BCAT1: variants seen among roughly 807,000 people sequenced by gnomAD.
The protein encoded by BCAT1 is branched-chain-amino-acid aminotransferase, cytosolic.
A neutral mutation model predicts 52.4 loss-of-function variants in BCAT1; 48 were observed. That is an observed-to-expected ratio of 0.92 (90% confidence interval 0.73 to 1.16). The LOEUF is 1.16. Among genes scored for constraint, BCAT1 ranks in the 50% most tolerant of loss-of-function variants. BCAT1 has a pLI of 0.00. For missense variants in BCAT1, 451 were observed against 457.1 expected, an observed-to-expected ratio of 0.99 and a Z score of 0.12; for synonymous variants, 167 against 161.3, an observed-to-expected ratio of 1.04 and a Z score of -0.27.
In BCAT1 at chr12:24,815,198, C is replaced by T. The variant is rs1025430633; in HGVS notation, c.*2810G>A. Reference sequence around the variant, plus strand: ...ATGTGTTTTCAAAAAAGCTGACAAGCTCGGTCTGAAATGTAGAAACTGAAA... The same window carrying T: ...ATGTGTTTTCAAAAAAGCTGACAAGTTCGGTCTGAAATGTAGAAACTGAAA... On this transcript the variant is annotated 3_prime_UTR_variant, in exon 11 of 11. Coordinates refer to ENST00000261192, the MANE Select transcript of BCAT1 (RefSeq NM_005504.7). 5 of 152,092 alleles carry T rather than the reference C, an allele frequency of 3.3e-5. No homozygotes were observed. Among genetic ancestry groups the T allele is most frequent in the African/African-American group, 1.2e-4 (5 of 41,432 alleles). The allele number at this position is 152,092 out of a possible 1,614,324, so 9.4% of individuals were successfully genotyped here. A position where few individuals can be genotyped will look rare whatever the true frequency, so the allele number is the denominator to read the frequency against.
At chr12:24,938,395 T>G (rs7299787) in intron 1 of BCAT1, among the ~76,000 whole-genome samples, 133,292 of 152,088 alleles carry the variant, frequency 0.88, 59,475 homozygotes, top group Middle Eastern at 0.95. Context: ...GTTGCAAAGG[T>G]TATTGGGGGC....
chr12:24,832,592 GA>G (rs888818996), intron 9 of BCAT1, 130 bp downstream of exon 9: 3 of 1,153,238 alleles, frequency 2.6e-6, no homozygotes, highest in Non-Finnish European at 3.6e-6. Context: ...TTAAAATAAA[GA>G]AAAACAACAA....
At chr12:24,902,366 C>A in intron 1 of BCAT1, 1 of 1,171,378 alleles carries the variant, frequency 8.5e-7, no homozygotes, top group Non-Finnish European at 1.1e-6. Flanking sequence ...CCAGCAGGGT[C>A]CTCCGATGCC....
At chr12:24,839,241 T>C (rs1370010047) in intron 7 of BCAT1, among the ~76,000 whole-genome samples, 3 of 152,164 alleles carry the variant, frequency 2.0e-5, no homozygotes, top group Non-Finnish European at 4.4e-5. Flanking sequence ...AAAGCCAGAC[T>C]GAGAATGGGA....
At chr12:24,846,030 T>TA (rs1260518268) in intron 6 of BCAT1, among the ~76,000 whole-genome samples, 20 of 152,334 alleles carry the variant, frequency 1.3e-4, no homozygotes, top group South Asian at 1.0e-3. Flanking sequence ...TAGACTGTAT[T>TA]AAAAAACACA....
rs1177493977 is a variant in BCAT1 at position 24,815,886 on chromosome 12, T to C, written c.*2122A>G. The C allele has an allele frequency of 2.0e-5, 3 of 152,226 alleles. No individual in the cohort carries two copies. Among genetic ancestry groups the C allele is most frequent in the African/African-American group, 4.8e-5 (2 of 41,456 alleles). The allele number at this position is 152,226 out of a possible 1,614,324, so 9.4% of individuals were successfully genotyped here. A position where few individuals can be genotyped will look rare whatever the true frequency, so the allele number is the denominator to read the frequency against. ...AAATAATTCTCATTTCTCATAGGAA[T>C]AGAAATTTAGTTACTATGTACCACT... On this transcript the variant is annotated 3_prime_UTR_variant, in exon 11 of 11. Transcript: ENST00000261192.
chr12:24,913,949 T>A (rs1482850115), intron 1 of BCAT1, among the ~76,000 whole-genome samples: 1 of 151,948 alleles, frequency 6.6e-6, no homozygotes, highest in Non-Finnish European at 1.5e-5. Flanking sequence ...GGAAAAGGGG[T>A]TTTGTTTCTA....
At chr12:24,895,889 G>A (rs753264785) in intron 2 of BCAT1, among the ~76,000 whole-genome samples, 2 of 152,186 alleles carry the variant, frequency 1.3e-5, no homozygotes, top group Non-Finnish European at 2.9e-5. Flanking sequence ...TCATATTACA[G>A]TGACACAAAA....
chr12:24,945,823 AAAAAAAGAAAAG>A (rs1460846822), intron 1 of BCAT1: 3 of 152,152 alleles, frequency 2.0e-5, no homozygotes, highest in Admixed American at 6.5e-5. Flanking sequence ...GATTCTGTCA[AAAAAAAGAAAAG>A]AAAAAAGAAT....
intron 5 of BCAT1, 144 bp from the exon 6 acceptor site, chr12:24,850,093 A>T: frequency 2.5e-6 from 2 of 784,600 alleles, no homozygotes; most frequent in Non-Finnish European, 3.7e-6. Flanking sequence ...GAGTTACACA[A>T]AGCCTAGTGG....
At chr12:24,883,712 T>C (rs1014129335) in intron 3 of BCAT1, among the ~76,000 whole-genome samples, 4 of 152,224 alleles carry the variant, frequency 2.6e-5, no homozygotes, top group African/African-American at 9.6e-5. Flanking sequence ...GGACCAGTTT[T>C]GTGGAAGATA....
chr12:24,912,334 G>GA, intron 1 of BCAT1, among the ~76,000 whole-genome samples: 1 of 152,226 alleles, frequency 6.6e-6, no homozygotes, highest in East Asian at 1.9e-4. Flanking sequence ...CTAACACGGT[G>GA]AAACCCCGTC....
chr12:24,817,438 G>A lies in BCAT1; in HGVS notation c.*570C>T, dbSNP rs1939919071. On this transcript the variant is annotated 3_prime_UTR_variant, in exon 11 of 11. Coordinates refer to ENST00000261192, the MANE Select transcript of BCAT1 (RefSeq NM_005504.7). The stretch of plus-strand genomic sequence containing the variant: ...CACTCAGGTCTTCCTAATGCACAGA[G>A]TATGCTCAGGCTGTGACATCAGGAA... 6.5e-6 allele frequency: 1 copy of A among 155,000 alleles called. No homozygotes were observed. Among genetic ancestry groups the A allele is most frequent in the African/African-American group, 2.4e-5 (1 of 41,454 alleles). 9.6% of individuals were successfully genotyped at this position (155,000 alleles called of 1,614,324 possible).
intron 1 of BCAT1, among the ~76,000 whole-genome samples, chr12:24,910,819 CTG>C (rs1943311650): frequency 6.6e-6 from 1 of 152,064 alleles, no homozygotes; most frequent in Non-Finnish European, 1.5e-5. Flanking sequence ...ATAATAAGAA[CTG>C]GGGCCAGGCA....
intron 1 of BCAT1, among the ~76,000 whole-genome samples, chr12:24,921,334 A>G (rs1943498195): frequency 6.6e-6 from 1 of 152,210 alleles, no homozygotes; most frequent in Non-Finnish European, 1.5e-5. Flanking sequence ...TCACAGGGAC[A>G]CTGGCTTTTT....
chr12:24,861,889 T>C (rs1941857487), intron 5 of BCAT1, among the ~76,000 whole-genome samples: 1 of 152,156 alleles, frequency 6.6e-6, no homozygotes, highest in Admixed American at 6.5e-5. Context: ...GGTGAGGAAA[T>C]TGACCTCTGG....
At chr12:24,851,721 A>G (rs1226561189) in intron 5 of BCAT1, among the ~76,000 whole-genome samples, 1 of 152,228 alleles carries the variant, frequency 6.6e-6, no homozygotes, top group Non-Finnish European at 1.5e-5. Flanking sequence ...AGTAAAGGAT[A>G]AAGCGCCTTA....
At chr12:24,916,108 A>G (rs1340714399) in intron 1 of BCAT1, among the ~76,000 whole-genome samples, 2 of 152,220 alleles carry the variant, frequency 1.3e-5, no homozygotes, top group African/African-American at 4.8e-5. Flanking sequence ...TCAGTGAGCC[A>G]AGATCTCACC....
chr12:24,945,012 G>A (rs911064995), intron 1 of BCAT1, among the ~76,000 whole-genome samples: 1 of 152,146 alleles, frequency 6.6e-6, no homozygotes, highest in Non-Finnish European at 1.5e-5. Flanking sequence ...GTAGAAAAAC[G>A]TTTATGTGAC....
Sources: gnomAD v4.1 joint callset for allele counts (sites outside exome capture counted in the v4.1 genomes callset) on GRCh38, gnomAD v4.1.1 for gene constraint, MANE v1.5 for transcripts, NCBI Gene and HGNC (gene_info 2026-07-23, HGNC 2026-07-21) for gene names.